The following CACNG2 variants were observed in gnomAD, a reference collection of about 807,000 sequenced individuals.
CACNG2 encodes the protein calcium voltage-gated channel auxiliary subunit gamma 2, also known as voltage-dependent calcium channel gamma-2 subunit.
A neutral mutation model predicts 25.9 loss-of-function variants in CACNG2; 3 were observed. The ratio of observed to expected loss-of-function variants is 0.12; its 90% CI spans 0.05 to 0.30. The LOEUF (loss-of-function observed/expected upper bound fraction) is 0.30, where lower values mean the gene tolerates loss of function less well. CACNG2 is among the 10% of genes least tolerant of loss of function. CACNG2 has a pLI of 1.00. For missense variants in CACNG2, 341 were observed against 432.5 expected (o/e 0.79, Z 1.88); for synonymous variants, 167 against 173.3 (o/e 0.96, Z 0.29).
At position 36,699,237 on chromosome 22, in the gene CACNG2, T is replaced by TCACACACACA. The variant is rs3076293; in HGVS notation, c.211+3119_211+3128dup. ...CACCAGCCTGCTGGGGATTTCAAGT[T>TCACACACACA]CACACACACACACACACACACACAC... On this transcript the variant is annotated intron_variant, in intron 1 of 3. Coordinates refer to ENST00000300105, the MANE Select transcript of CACNG2 (RefSeq NM_006078.5). Among the ~76,000 whole-genome samples, 1,120 of 141,878 alleles carry TCACACACACA rather than the reference T, an allele frequency of 7.9e-3. 5 individuals are homozygous for TCACACACACA. Among genetic ancestry groups the TCACACACACA allele is most frequent in the African/African-American group, 0.018 (659 of 36,846 alleles). The allele number at this position is 141,878 out of a possible 152,430, so 93.1% of individuals were successfully genotyped here.
Position 36,656,982 on chromosome 22 carries a change from T to C in CACNG2, c.211+45384A>G, listed in dbSNP as rs367941900. ...GTAGAATGAGGGCCCTTCATGAGGG[T>C]CAGGACTTTTGTTTGCTCTGTCCAT... On this transcript the variant is annotated intron_variant, in intron 1 of 3. Coordinates refer to ENST00000300105, the MANE Select transcript of CACNG2 (RefSeq NM_006078.5). Among the ~76,000 whole-genome samples, 10 of 152,252 alleles carry C rather than the reference T, an allele frequency of 6.6e-5. 1 individual carries two copies. The highest frequency in any genetic ancestry group is 6.2e-4 in the South Asian group (3 of 4,818).
At chr22:36,625,748 G>A (rs2246071) in intron 1 of CACNG2, among the ~76,000 whole-genome samples, 80,037 of 151,992 alleles carry the variant, frequency 0.53, 23,272 homozygotes, top group Non-Finnish European at 0.64. Context: ...CCTTCAGAAG[G>A]TAATTTGACT....
intron 1 of CACNG2, among the ~76,000 whole-genome samples, chr22:36,615,337 G>T (rs543461010): frequency 6.6e-5 from 10 of 152,302 alleles, no homozygotes; most frequent in Non-Finnish European, 1.0e-4. Context: ...TACCACACCT[G>T]CAGGGCCCTT....
chr22:36,598,698 G>T (rs1369423304), intron 1 of CACNG2, among the ~76,000 whole-genome samples: 4 of 151,670 alleles, frequency 2.6e-5, no homozygotes, highest in Admixed American at 2.6e-4. Flanking sequence ...ACTATATCTG[G>T]CCGAGCACGG....
At chr22:36,572,165 A>G (rs1376654365) in intron 2 of CACNG2, among the ~76,000 whole-genome samples, 2 of 152,210 alleles carry the variant, frequency 1.3e-5, no homozygotes, top group African/African-American at 4.8e-5. Flanking sequence ...TTACCTGACA[A>G]CATTTATGGA....
chr22:36,649,434 G>A (rs1024498868), intron 1 of CACNG2, among the ~76,000 whole-genome samples: 51 of 152,116 alleles, frequency 3.4e-4, no homozygotes, highest in African/African-American at 1.2e-3. Flanking sequence ...TGGGATTACA[G>A]GCACCCGCCA....
intron 2 of CACNG2, among the ~76,000 whole-genome samples, chr22:36,584,176 G>C (rs531902309): frequency 6.6e-6 from 1 of 152,290 alleles, no homozygotes; most frequent in African/African-American, 2.4e-5. Context: ...CTGGGGCCGG[G>C]CGTGGTGGCT....
At chr22:36,626,011 C>A (rs571300583) in intron 1 of CACNG2, among the ~76,000 whole-genome samples, 2 of 152,294 alleles carry the variant, frequency 1.3e-5, no homozygotes, top group East Asian at 1.9e-4. Flanking sequence ...CCTCCGCCCC[C>A]TGGGTTCAAG....
intron 1 of CACNG2, among the ~76,000 whole-genome samples, chr22:36,629,977 A>G (rs1369761550): frequency 2.0e-5 from 3 of 152,196 alleles, no homozygotes; most frequent in African/African-American, 7.2e-5. Flanking sequence ...ATCACCTTCC[A>G]TGCTGCCCCC....
chr22:36,564,965 G>T lies in CACNG2; in HGVS notation c.437-79C>A, dbSNP rs543280827. On this transcript the variant is annotated intron_variant, in intron 3 of 3. Coordinates refer to ENST00000300105, the MANE Select transcript of CACNG2 (RefSeq NM_006078.5). The surrounding 1 kb of genome is among the most constrained non-coding windows in gnomAD (Gnocchi z 6.7). ...TCAGGAAGTCGGCCACAGGGCAGCCGTAAAGGACGGGGACAGCTGTGTGGG... is the reference window on the plus strand; with the variant it reads ...TCAGGAAGTCGGCCACAGGGCAGCCTTAAAGGACGGGGACAGCTGTGTGGG... The T allele has an allele frequency of 4.5e-6, 6 of 1,335,648 alleles. No individual in the cohort carries two copies. The highest frequency in any genetic ancestry group is 3.2e-6 in the Non-Finnish European group (3 of 941,994). The allele number at this position is 1,335,648 out of a possible 1,614,324, so 82.7% of individuals were successfully genotyped here. A position where few individuals can be genotyped will look rare whatever the true frequency, so the allele number is the denominator to read the frequency against.
At chr22:36,627,293 T>TGG (rs1308587241) in intron 1 of CACNG2, among the ~76,000 whole-genome samples, 1 of 150,986 alleles carries the variant, frequency 6.6e-6, no homozygotes, top group Non-Finnish European at 1.5e-5. Context: ...TGTGTGTGTG[T>TGG]GTGTGTGTGT....
At chr22:36,622,153 G>A (rs1023058180) in intron 1 of CACNG2, among the ~76,000 whole-genome samples, 1 of 152,242 alleles carries the variant, frequency 6.6e-6, no homozygotes, top group Admixed American at 6.5e-5. Context: ...GCTAGTCGGT[G>A]GAGGGGCAGG....
chr22:36,699,684 T>C (rs1432745030), intron 1 of CACNG2, among the ~76,000 whole-genome samples: 1 of 151,604 alleles, frequency 6.6e-6, no homozygotes, highest in Non-Finnish European at 1.5e-5. Flanking sequence ...AAGTCCAATT[T>C]TTCACACAAA....
intron 2 of CACNG2, among the ~76,000 whole-genome samples, chr22:36,568,671 C>G (rs1320841200): frequency 6.6e-6 from 1 of 152,144 alleles, no homozygotes; most frequent in African/African-American, 2.4e-5. Flanking sequence ...TCCCAAAGTG[C>G]TGGGATTACA....
intron 1 of CACNG2, among the ~76,000 whole-genome samples, chr22:36,629,506 T>TTGTG (rs150636418): frequency 6.7e-6 from 1 of 148,504 alleles, no homozygotes; most frequent in Non-Finnish European, 1.5e-5. Flanking sequence ...GTGTGTGTGT[T>TTGTG]TGTGTGTGTG....
chr22:36,620,067 A>G (rs994317861), intron 1 of CACNG2, among the ~76,000 whole-genome samples: 1 of 152,246 alleles, frequency 6.6e-6, no homozygotes, highest in Non-Finnish European at 1.5e-5. Context: ...ATCATCAACT[A>G]GAAAACACGT....
At chr22:36,692,742 G>T (rs1450239367) in intron 1 of CACNG2, among the ~76,000 whole-genome samples, 1 of 152,178 alleles carries the variant, frequency 6.6e-6, no homozygotes, top group Non-Finnish European at 1.5e-5. Context: ...CAAGACTTTG[G>T]GGAGATGGTG....
chr22:36,601,918 T>A (rs1448398493), intron 1 of CACNG2, among the ~76,000 whole-genome samples: 3 of 152,184 alleles, frequency 2.0e-5, no homozygotes, highest in Non-Finnish European at 4.4e-5. Flanking sequence ...AATGGTGGCA[T>A]CAACCTACAT....
intron 2 of CACNG2, among the ~76,000 whole-genome samples, chr22:36,580,713 G>T (rs1935400888): frequency 6.6e-6 from 1 of 152,162 alleles, no homozygotes; most frequent in Admixed American, 6.5e-5. Context: ...AGTGGATTTT[G>T]GGGTCTGGCA....
Sources: gnomAD v4.1 joint callset for allele counts (sites outside exome capture counted in the v4.1 genomes callset) on GRCh38, gnomAD v4.1.1 for gene constraint, Gnocchi (gnomAD v3.1) non-coding constraint, MANE v1.5 for transcripts, NCBI Gene and HGNC (gene_info 2026-07-23, HGNC 2026-07-21) for gene names.